TTC1: variants seen among roughly 807,000 people sequenced by gnomAD.
TTC1 encodes the protein tetratricopeptide repeat domain 1, also known as tetratricopeptide repeat protein 1.
TTC1 carries 31 observed loss-of-function variants against 37.6 expected under a neutral mutation model. The observed-to-expected ratio is 0.82, with a 90% CI of 0.62 to 1.11. TTC1 has a LOEUF of 1.11. Ranked by LOEUF, TTC1 falls within the 50% of genes most tolerant of loss-of-function variation. The probability of loss-of-function intolerance (pLI) is 0.00; values close to 1 mark genes in which losing one functional copy is unlikely to be tolerated. For missense variants in TTC1, 351 were observed against 339.0 expected (o/e 1.04, Z -0.28); for synonymous variants, 127 against 122.4 (o/e 1.04, Z -0.25).
chr5:160,043,455 T>C (rs535882444), intron 5 of TTC1, among the ~76,000 whole-genome samples: 1 of 152,178 alleles, frequency 6.6e-6, no homozygotes, highest in East Asian at 1.9e-4. Context: ...AAGTTAGGCA[T>C]ATGTGGTGGC....
chr5:160,013,457 A>G (rs555367229), intron 2 of TTC1, among the ~76,000 whole-genome samples: 1 of 152,240 alleles, frequency 6.6e-6, no homozygotes, highest in East Asian at 1.9e-4. Context: ...AATGATGAAA[A>G]GTACAGGCTG....
At chr5:160,023,819 G>C in intron 2 of TTC1, 1 of 1,613,606 alleles carries the variant, frequency 6.2e-7, no homozygotes, top group Non-Finnish European at 8.5e-7. Flanking sequence ...ATCATTCTCA[G>C]AGTCTGAGCT....
intron 2 of TTC1, among the ~76,000 whole-genome samples, chr5:160,016,419 G>A (rs1477311623): frequency 1.3e-5 from 2 of 152,040 alleles, no homozygotes; most frequent in Non-Finnish European, 2.9e-5. Context: ...TTAAAAAGAT[G>A]AATCGTAGGT....
At chr5:160,009,916 G>C (rs1449187166) in intron 1 of TTC1, among the ~76,000 whole-genome samples, 1 of 152,114 alleles carries the variant, frequency 6.6e-6, no homozygotes, top group Non-Finnish European at 1.5e-5. Context: ...TTCCTGTGGT[G>C]GTGCTAAAAA....
chr5:160,028,666 G>C lies in TTC1; in HGVS notation c.331-6474G>C, dbSNP rs148734707. ...TTTTTTTGGCTTTTTGCTAGAAACA[G>C]GGTTTCGCCATGTTGCCCAGAATGG... On this transcript the variant is annotated intron_variant, in intron 2 of 7. Coordinates refer to ENST00000231238, the MANE Select transcript of TTC1 (RefSeq NM_003314.3). Among the ~76,000 whole-genome samples the C allele has an allele frequency of 1.4e-3, 216 of 151,992 alleles. 3 individuals are homozygous for C. In the East Asian group the frequency reaches 0.019, roughly 14 times the overall value.
chr5:160,021,036 A>C (rs143386459), intron 2 of TTC1, among the ~76,000 whole-genome samples: 66 of 152,328 alleles, frequency 4.3e-4, no homozygotes, highest in Middle Eastern at 3.4e-3. Flanking sequence ...ATTTGCTGGC[A>C]GAAAAGTTAA....
At chr5:160,031,449 C>T (rs1756906727) in intron 2 of TTC1, among the ~76,000 whole-genome samples, 1 of 151,754 alleles carries the variant, frequency 6.6e-6, no homozygotes, top group Admixed American at 6.6e-5. Context: ...CCCATCTCTA[C>T]TAAAAATACA....
chr5:160,062,943 C>G (rs879217596), intron 7 of TTC1, among the ~76,000 whole-genome samples: 1 of 152,198 alleles, frequency 6.6e-6, no homozygotes, highest in African/African-American at 2.4e-5. Flanking sequence ...CCTCCCTCTA[C>G]GCCCATGTGC....
rs199628664 is a variant in TTC1, at chr5:160,036,667, A to G, written c.392-24A>G. ...TATCAGGAATAAAATCAAAATGACCATTCATCCTTTCTCTTATCCTCAGAT... is the reference window on the plus strand; with the variant it reads ...TATCAGGAATAAAATCAAAATGACCGTTCATCCTTTCTCTTATCCTCAGAT... On this transcript the variant is annotated intron_variant, in intron 3 of 7. Coordinates refer to ENST00000231238, the MANE Select transcript of TTC1 (RefSeq NM_003314.3). 42 of 1,491,416 alleles carry G rather than the reference A, an allele frequency of 2.8e-5. No homozygotes were observed. The African/African-American group carries it at 5.4e-4, about 19-fold the overall frequency. The allele number at this position is 1,491,416 out of a possible 1,614,324, so 92.4% of individuals were successfully genotyped here.
intron 2 of TTC1, among the ~76,000 whole-genome samples, chr5:160,018,629 C>T (rs1036613523): frequency 2.0e-5 from 3 of 152,132 alleles, no homozygotes; most frequent in African/African-American, 7.2e-5. Flanking sequence ...GTTCCTAAGC[C>T]GTAGTAAAGA....
At chr5:160,031,254 T>A (rs1321172711) in intron 2 of TTC1, among the ~76,000 whole-genome samples, 3 of 152,204 alleles carry the variant, frequency 2.0e-5, no homozygotes, top group Non-Finnish European at 4.4e-5. Flanking sequence ...AAGCAGCAGT[T>A]CTTTTTCAAT....
At chr5:160,063,275 G>C (rs1275608870) in intron 7 of TTC1, among the ~76,000 whole-genome samples, 1 of 152,118 alleles carries the variant, frequency 6.6e-6, no homozygotes, top group Middle Eastern at 3.2e-3. Context: ...GAGTGCAATG[G>C]TATGATCATG....
chr5:160,062,100 T>A (rs1466035494), intron 7 of TTC1: 1 of 152,210 alleles, frequency 6.6e-6, no homozygotes, highest in African/African-American at 2.4e-5. Flanking sequence ...TCCCCTGCAT[T>A]TGGAGAAATA....
At chr5:160,064,856 T>C in intron 7 of TTC1, 76 bp from the exon 8 acceptor site, 1 of 1,463,532 alleles carries the variant, frequency 6.8e-7, no homozygotes, top group South Asian at 1.3e-5. Flanking sequence ...TACTCAGTGG[T>C]AAGGCAAGAT....
At chr5:160,056,566 A>T (rs1757552751) in intron 7 of TTC1, among the ~76,000 whole-genome samples, 1 of 152,126 alleles carries the variant, frequency 6.6e-6, no homozygotes, top group Admixed American at 6.5e-5. Flanking sequence ...TCTACAAAAA[A>T]ATAAAAAATT....
intron 2 of TTC1, among the ~76,000 whole-genome samples, chr5:160,018,767 G>A (rs757470047): frequency 5.9e-5 from 9 of 152,308 alleles, no homozygotes; most frequent in Middle Eastern, 3.4e-3. Context: ...TATGAGGATG[G>A]AGGAGGGACA....
At chr5:160,053,891 A>C (rs1581121057) in intron 7 of TTC1, among the ~76,000 whole-genome samples, 1 of 152,244 alleles carries the variant, frequency 6.6e-6, no homozygotes. Context: ...AGGAATTATT[A>C]GTGGGTAGAA....
chr5:160,049,585 C>G lies in TTC1; in HGVS notation c.613C>G (p.Leu205Val). The change falls in exon 6 of 8, where the codon CTA (leucine) becomes GTA (valine). Residue 205 changes from leucine (L) to valine (V), a missense_variant. Coordinates refer to ENST00000231238, the MANE Select transcript of TTC1 (RefSeq NM_003314.3). ...AGAGTTGTATGAGAAGACGGACAAG[C>G]TAGATGAAGCCCTGGAAGACTATAA... ...RAELYEKTDK[L>V]DEALEDYKSI... 2 of 1,612,004 alleles carry G rather than the reference C, an allele frequency of 1.2e-6. No individual in the cohort carries two copies. The highest frequency in any genetic ancestry group is 1.7e-6 in the Non-Finnish European group (2 of 1,179,184).
At chr5:160,048,021 T>C (rs951671914) in intron 5 of TTC1, among the ~76,000 whole-genome samples, 1 of 151,688 alleles carries the variant, frequency 6.6e-6, no homozygotes, top group Non-Finnish European at 1.5e-5. Context: ...ACATACTACA[T>C]TGGACGTATA....
Sources: allele counts gnomAD v4.1 joint callset (sites outside exome capture counted in the v4.1 genomes callset), GRCh38; gene constraint gnomAD v4.1.1; transcripts MANE v1.5; gene names NCBI Gene and HGNC (gene_info 2026-07-23, HGNC 2026-07-21).